PTPRT: variants seen among roughly 807,000 people sequenced by gnomAD.
PTPRT encodes the protein protein tyrosine phosphatase receptor type T.
Under a neutral mutation model 176.8 loss-of-function variants are expected in PTPRT, and 56 were observed. That is an observed-to-expected ratio of 0.32 (90% confidence interval 0.26 to 0.40). The LOEUF is 0.40. Ranked by LOEUF, PTPRT falls within the 10% of genes least tolerant of loss-of-function variation. The probability of loss-of-function intolerance (pLI) is 1.00; values close to 1 mark genes in which losing one functional copy is unlikely to be tolerated. For missense variants in PTPRT, 1,540 were observed against 1,908.2 expected, an observed-to-expected ratio of 0.81 and a Z score of 3.60; for synonymous variants, 783 against 739.0, an observed-to-expected ratio of 1.06 and a Z score of -0.96.
chr20:42,993,112 A>G (rs1041606522), intron 1 of PTPRT, among the ~76,000 whole-genome samples: 7 of 152,070 alleles, frequency 4.6e-5, no homozygotes, highest in African/African-American at 1.4e-4. Context: ...GGAAAAGCAC[A>G]CGGAACAGAA....
chr20:43,140,430 C>T (rs1414762623), intron 1 of PTPRT, among the ~76,000 whole-genome samples: 4 of 148,348 alleles, frequency 2.7e-5, no homozygotes, highest in African/African-American at 1.0e-4. Context: ...CAAGAGTTAG[C>T]AAACCTCTGG....
chr20:42,568,315 G>A (rs2073083276), intron 7 of PTPRT, among the ~76,000 whole-genome samples: 1 of 152,064 alleles, frequency 6.6e-6, no homozygotes, highest in Non-Finnish European at 1.5e-5. Flanking sequence ...AACATGTGTT[G>A]GGGGCTTTCA....
rs1306656833 is a variant in PTPRT, at chr20:42,664,405, C to A, written c.1153+13461G>T. On this transcript the variant is annotated intron_variant, in intron 7 of 30. Coordinates refer to ENST00000373187, the MANE Select transcript of PTPRT (RefSeq NM_007050.6). The stretch of plus-strand genomic sequence containing the variant: ...CTTTCTATGTAGTAAAATGTGTAAA[C>A]CATGACCTCAATGGTGTATTTGCTT... 2.0e-5 allele frequency among the ~76,000 whole-genome samples: 3 copies of A among 152,110 alleles called. No homozygotes were observed. In the East Asian group the frequency reaches 5.8e-4, roughly 29 times the overall value.
intron 11 of PTPRT, among the ~76,000 whole-genome samples, chr20:42,329,240 A>T (rs1285759815): frequency 6.6e-6 from 1 of 152,202 alleles, no homozygotes; most frequent in Admixed American, 6.5e-5. Context: ...CAATAGTCTT[A>T]ATATAATTTA....
At chr20:42,721,430 G>A (rs1384938246) in intron 6 of PTPRT, among the ~76,000 whole-genome samples, 4 of 152,170 alleles carry the variant, frequency 2.6e-5, no homozygotes, top group East Asian at 1.9e-4. Context: ...GGATGGAAGC[G>A]TGGTGGGTGG....
intron 7 of PTPRT, among the ~76,000 whole-genome samples, chr20:42,585,988 G>T (rs2145739796): frequency 6.6e-6 from 1 of 152,214 alleles, no homozygotes; most frequent in South Asian, 2.1e-4. Context: ...TATAGCATTT[G>T]CTGGTATTCT....
At chr20:42,115,443 C>A in intron 21 of PTPRT, 128 bp from the exon 22 acceptor site, 1 of 699,652 alleles carries the variant, frequency 1.4e-6, no homozygotes. Flanking sequence ...ACTTTGGTGG[C>A]ATTTCAGTCC....
At chr20:42,375,847 G>T (rs2058644261) in intron 9 of PTPRT, among the ~76,000 whole-genome samples, 1 of 152,102 alleles carries the variant, frequency 6.6e-6, no homozygotes, top group Non-Finnish European at 1.5e-5. Context: ...GTGAAAGTCA[G>T]GACAGTCCCA....
At chr20:42,666,655 T>C (rs3091877) in intron 7 of PTPRT, among the ~76,000 whole-genome samples, 2,880 of 152,302 alleles carry the variant, frequency 0.019, 102 homozygotes, top group African/African-American at 0.066. Context: ...TCCAACAACA[T>C]GACATATGGC....
At chr20:42,434,008 G>C (rs1668260349) in intron 9 of PTPRT, among the ~76,000 whole-genome samples, 3 of 152,036 alleles carry the variant, frequency 2.0e-5, no homozygotes, top group Admixed American at 2.0e-4. Flanking sequence ...TCAGGGAATG[G>C]AGAGCCATTA....
chr20:42,690,573 A>G (rs1344720170), intron 6 of PTPRT, among the ~76,000 whole-genome samples: 3 of 152,104 alleles, frequency 2.0e-5, no homozygotes, highest in Non-Finnish European at 4.4e-5. Flanking sequence ...TGACCTCCAC[A>G]ATGCCTGCGC....
rs977995932 is a variant in PTPRT, at chr20:42,734,161, C to T, written c.859+22301G>A. 5.3e-5 allele frequency among the ~76,000 whole-genome samples: 8 copies of T among 152,272 alleles called. No individual in the cohort carries two copies. In the South Asian group the frequency reaches 1.7e-3, roughly 32 times the overall value. The stretch of plus-strand genomic sequence containing the variant: ...TGAGTTCTACATGTGGCCTGGTTGG[C>T]CCCATCCCTCTGGGAGGTCATCACT... On this transcript the variant is annotated intron_variant, in intron 6 of 30. Coordinates refer to ENST00000373187, the MANE Select transcript of PTPRT (RefSeq NM_007050.6).
At chr20:42,719,908 G>C (rs2076280388) in intron 6 of PTPRT, among the ~76,000 whole-genome samples, 1 of 152,208 alleles carries the variant, frequency 6.6e-6, no homozygotes, top group Admixed American at 6.5e-5. Flanking sequence ...ATCTGACAAA[G>C]AAGTGGTAGA....
At chr20:42,812,752 A>C (rs2077718355) in intron 2 of PTPRT, among the ~76,000 whole-genome samples, 1 of 152,138 alleles carries the variant, frequency 6.6e-6, no homozygotes, top group Admixed American at 6.5e-5. Flanking sequence ...CTCATCTATA[A>C]ATTGGGAATA....
intron 2 of PTPRT, among the ~76,000 whole-genome samples, chr20:42,869,701 G>T (rs2078811482): frequency 6.6e-6 from 1 of 152,148 alleles, no homozygotes; most frequent in Non-Finnish European, 1.5e-5. Flanking sequence ...AGACTTCTGG[G>T]GCTATTGAGA....
chr20:42,386,265 T>G (rs1568834221), intron 9 of PTPRT, among the ~76,000 whole-genome samples: 1 of 152,272 alleles, frequency 6.6e-6, no homozygotes, highest in East Asian at 1.9e-4. Flanking sequence ...GTGGGACTAA[T>G]AAAAGGTATT....
At chr20:43,060,794 A>G (rs1394949165) in intron 1 of PTPRT, among the ~76,000 whole-genome samples, 1 of 152,194 alleles carries the variant, frequency 6.6e-6, no homozygotes, top group Non-Finnish European at 1.5e-5. Flanking sequence ...ACGTTCTACA[A>G]TCAATAAAAT....
intron 1 of PTPRT, among the ~76,000 whole-genome samples, chr20:42,892,776 C>A (rs1042676669): frequency 2.0e-5 from 3 of 152,214 alleles, no homozygotes; most frequent in Non-Finnish European, 4.4e-5. Context: ...CACAGGACTG[C>A]GTCCCTCCAA....
intron 9 of PTPRT, among the ~76,000 whole-genome samples, chr20:42,387,013 C>A (rs2058751409): frequency 6.6e-6 from 1 of 152,186 alleles, no homozygotes; most frequent in South Asian, 2.1e-4. Context: ...CCCACTAGAT[C>A]CTCTAAGTTC....
Sources: allele counts gnomAD v4.1 joint callset (sites outside exome capture counted in the v4.1 genomes callset), GRCh38; gene constraint gnomAD v4.1.1; transcripts MANE v1.5; gene names NCBI Gene and HGNC (gene_info 2026-07-23, HGNC 2026-07-21).